Variants in ABCA6 observed in about 807,000 individuals in gnomAD.
ABCA6 encodes the protein ATP-binding cassette sub-family A member 6.
Under a neutral mutation model 191.2 loss-of-function variants are expected in ABCA6, and 164 were observed. The observed-to-expected ratio is 0.86, with a 90% CI of 0.76 to 0.98. The LOEUF is 0.98. Ranked by LOEUF, ABCA6 falls within the 50% of genes least tolerant of loss-of-function variation. The pLI, the probability that ABCA6 is intolerant of heterozygous loss-of-function variation, is 0.00. For synonymous variants in ABCA6, 636 were observed against 647.7 expected, an observed-to-expected ratio of 0.98 and a Z score of 0.27; for missense variants, 1,958 against 1,894.1, an observed-to-expected ratio of 1.03 and a Z score of -0.63.
At position 69,136,146 on chromosome 17, in the gene ABCA6, T is replaced by C; in HGVS notation, c.406A>G (p.Lys136Glu). The stretch of plus-strand genomic sequence containing the variant: ...TTATATCCCTGGAAAAATATTAACT[T>C]ATAAGAGAAAGTTTCATTAAAGATG... ...GIIFNETFSYKLIFFQGYNSP... is the reference protein window; with the variant it reads ...GIIFNETFSYELIFFQGYNSP... Residue 136 changes from lysine (K) to glutamate (E), a missense_variant, in exon 4 of 39, where the codon AAG becomes GAG. Coordinates refer to ENST00000284425, the MANE Select transcript of ABCA6 (RefSeq NM_080284.3). 1 of 1,608,720 alleles carries C rather than the reference T, an allele frequency of 6.2e-7. No individual in the cohort carries two copies. The highest frequency in any genetic ancestry group is 1.1e-5 in the South Asian group (1 of 90,252).
At chr17:69,139,400 C>T (rs1454716854) in intron 2 of ABCA6, among the ~76,000 whole-genome samples, 1 of 152,116 alleles carries the variant, frequency 6.6e-6, no homozygotes. Flanking sequence ...CAATGAGATA[C>T]CATCTCACAC....
chr17:69,088,072 G>T, intron 28 of ABCA6, 95 bp downstream of exon 28: 3 of 1,090,904 alleles, frequency 2.8e-6, no homozygotes, highest in Non-Finnish European at 3.8e-6. Context: ...TGCTTCCACT[G>T]TAAATGTAAA....
rs537388821 is a variant in ABCA6, at chr17:69,087,664, G to A, written c.3699-191C>T. On this transcript the variant is annotated intron_variant, in intron 28 of 38. Transcript: ENST00000284425. ...CACTAGCCAGAATCCTTTTCTTAATGTTGTTGCCATTCTTCTGGTAAGAAT... is the reference window on the plus strand; with the variant it reads ...CACTAGCCAGAATCCTTTTCTTAATATTGTTGCCATTCTTCTGGTAAGAAT... 33 of 649,008 alleles carry A rather than the reference G, an allele frequency of 5.1e-5. No homozygotes were observed. The African/African-American group carries it at 5.3e-4, about 10-fold the overall frequency. The allele number at this position is 649,008 out of a possible 1,614,324, so 40.2% of individuals were successfully genotyped here.
chr17:69,088,561 C>G (rs1157398274), intron 27 of ABCA6, among the ~76,000 whole-genome samples: 1 of 152,198 alleles, frequency 6.6e-6, no homozygotes, highest in African/African-American at 2.4e-5. Flanking sequence ...ATTATAATGT[C>G]TCACCTGGAT....
intron 20 of ABCA6, chr17:69,104,815 A>C (rs372689607): frequency 7.3e-6 from 1 of 137,200 alleles, no homozygotes; most frequent in East Asian, 2.0e-4. Flanking sequence ...CTAAAAATAC[A>C]AAAAAAAAAA....
chr17:69,129,501 C>A, intron 7 of ABCA6, 109 bp downstream of exon 7: 2 of 930,696 alleles, frequency 2.1e-6, no homozygotes, highest in Non-Finnish European at 3.2e-6. Flanking sequence ...CATGCACACA[C>A]ACAATGGACA....
At chr17:69,101,033 G>A (rs764095816) in intron 21 of ABCA6, 99 bp from the exon 22 acceptor site, 2 of 1,010,658 alleles carry the variant, frequency 2.0e-6, no homozygotes, top group Non-Finnish European at 2.9e-6. Flanking sequence ...CATGCTTGTT[G>A]TGTGTCCATC....
rs1568022157 is a variant in ABCA6, at chr17:69,114,942, G to A, written c.1607-5C>T. The A allele has an allele frequency of 3.8e-6, 6 of 1,581,586 alleles. No individual in the cohort carries two copies. The highest frequency in any genetic ancestry group is 1.8e-5 in the Admixed American group (1 of 54,454). Reference sequence around the variant, plus strand: ...TATTATAGATGGTAACTGATCCTAAGAATAGAAGTTAAAAATAAAATTGGC... The same window carrying A: ...TATTATAGATGGTAACTGATCCTAAAAATAGAAGTTAAAAATAAAATTGGC... On this transcript the variant is annotated splice_region_variant and splice_polypyrimidine_tract_variant and intron_variant, in intron 12 of 38. Transcript: ENST00000284425.
Position 69,096,344 on chromosome 17 carries a change from T to C in ABCA6, c.3304A>G (p.Thr1102Ala), listed in dbSNP as rs552412891. ...ACAAGAGAAGCTGCATAACCAGGAG[T>C]AACTATAACCTGAGCATAAAAGAAA... is the stretch of plus-strand genomic sequence containing the variant. ...SQIVFALVIV[T>A]PGYAASLVFF... The change falls in exon 25 of 39, where the codon ACT becomes GCT. Residue 1102 changes from threonine (T) to alanine (A), a missense_variant. By Grantham distance (58) the Thr-to-Ala change is moderately conservative. Transcript: ENST00000284425. 2.7e-6 allele frequency: 4 copies of C among 1,462,470 alleles called. No individual in the cohort carries two copies. The South Asian group carries it at 4.2e-5, about 15-fold the overall frequency. 90.6% of individuals were successfully genotyped at this position (1,462,470 alleles called of 1,614,324 possible).
chr17:69,125,639 G>A (rs1246908795), intron 8 of ABCA6, among the ~76,000 whole-genome samples: 2 of 152,044 alleles, frequency 1.3e-5, no homozygotes, highest in African/African-American at 2.4e-5. Context: ...CAAAAGTGGC[G>A]AAGTGAAATT....
Position 69,140,732 on chromosome 17 carries a change from T to C in ABCA6, c.-29A>G. 6.8e-7 allele frequency: 1 copy of C among 1,465,770 alleles called. No homozygotes were observed. Among genetic ancestry groups the C allele is most frequent in the Admixed American group, 2.1e-5 (1 of 47,604 alleles). The allele number at this position is 1,465,770 out of a possible 1,614,324, so 90.8% of individuals were successfully genotyped here. A position where few individuals can be genotyped will look rare whatever the true frequency, so the allele number is the denominator to read the frequency against. On this transcript the variant is annotated 5_prime_UTR_variant, in exon 2 of 39. Transcript: ENST00000284425. ...GCCTATTCGCTGAAGGAGAAAGTAA[T>C]CATGGTGGAACACAACCTAGAAAAA...
In ABCA6 at chr17:69,100,912, C is replaced by T; in HGVS notation, c.2897G>A (p.Cys966Tyr). The stretch of plus-strand genomic sequence containing the variant: ...AAAACAGTGCAATCTCTTGGTATTA[C>T]ACACAACTGAAAATCTATAATCCTT... ...KQKDYRFSVV[C>Y]NTKRLHCFPI... The change falls in exon 22 of 39, where the codon TGT becomes TAT. Residue 966 changes from cysteine (C) to tyrosine (Y), a missense_variant. Transcript: ENST00000284425. 1 of 1,596,126 alleles carries T rather than the reference C, an allele frequency of 6.3e-7. No individual in the cohort carries two copies. The highest frequency in any genetic ancestry group is 8.6e-7 in the Non-Finnish European group (1 of 1,169,274).
Position 69,112,238 on chromosome 17 carries a change from A to G in ABCA6, c.2077T>C (p.Cys693Arg). Residue 693 changes from cysteine (C) to arginine (R), a missense_variant, in exon 16 of 39, where the codon TGT (cysteine) becomes CGT (arginine). Coordinates refer to ENST00000284425, the MANE Select transcript of ABCA6 (RefSeq NM_080284.3). ...KVIMSNGRLK[C>R]AGSSMFLKRR... The stretch of plus-strand genomic sequence containing the variant: ...TTCAAAAACATAGAAGAACCTGCAC[A>G]CTTCAGTCTCCCATTGGACATGATC... The G allele has an allele frequency of 6.2e-7, 1 of 1,612,674 alleles. No homozygotes were observed. The highest frequency in any genetic ancestry group is 8.5e-7 in the Non-Finnish European group (1 of 1,179,116).
chr17:69,098,666 T>C (rs1598456059), intron 22 of ABCA6: 1 of 143,424 alleles, frequency 7.0e-6, no homozygotes, highest in Admixed American at 7.0e-5. Flanking sequence ...TCCTGTCACA[T>C]GCTACAACAT....
intron 18 of ABCA6, among the ~76,000 whole-genome samples, chr17:69,106,522 G>C (rs571515582): frequency 3.8e-4 from 57 of 151,476 alleles, no homozygotes; most frequent in African/African-American, 1.3e-3. Context: ...GAACCTGGGA[G>C]GGGGAGGTTG....
At position 69,096,733 on chromosome 17, in the gene ABCA6, T is replaced by A; in HGVS notation, c.3189A>T (p.Leu1063=). Residue 1063 remains leucine, a synonymous_variant, in exon 24 of 39, where the codon CTA becomes CTT. Transcript: ENST00000284425. ...YTSAYWCGQA[L]VDVSFFILIL... ...TTAAAATGAAGAAGCTGACGTCCACTAGTGCCTGCCCACACCAGTAAGCAG... is the reference window on the plus strand; with the variant it reads ...TTAAAATGAAGAAGCTGACGTCCACAAGTGCCTGCCCACACCAGTAAGCAG... The A allele has an allele frequency of 6.3e-7, 1 of 1,592,052 alleles. No homozygotes were observed. Among genetic ancestry groups the A allele is most frequent in the Non-Finnish European group, 8.5e-7 (1 of 1,171,326 alleles).
Position 69,105,974 on chromosome 17 carries a change from T to G in ABCA6, c.2573+54A>C, listed in dbSNP as rs2073292718. 3 of 1,512,394 alleles carry G rather than the reference T, an allele frequency of 2.0e-6. No homozygotes were observed. The South Asian group carries it at 4.0e-5, about 20-fold the overall frequency. The allele number at this position is 1,512,394 out of a possible 1,614,324, so 93.7% of individuals were successfully genotyped here. ...TCTAGTTTTAAATTATCTTCTGGTTTGAACCTCTTTTGAAATTCATGATCT... is the reference window on the plus strand; with the variant it reads ...TCTAGTTTTAAATTATCTTCTGGTTGGAACCTCTTTTGAAATTCATGATCT... On this transcript the variant is annotated intron_variant, in intron 19 of 38. Transcript: ENST00000284425.
intron 4 of ABCA6, chr17:69,135,691 T>C (rs2073936131): frequency 3.4e-6 from 1 of 293,066 alleles, no homozygotes; most frequent in Non-Finnish European, 6.2e-6. Flanking sequence ...CCTTTAAACA[T>C]CATTTCCCCA....
chr17:69,090,482 T>C (rs903240837), intron 26 of ABCA6, among the ~76,000 whole-genome samples: 4 of 152,236 alleles, frequency 2.6e-5, no homozygotes, highest in African/African-American at 9.6e-5. Flanking sequence ...TATTTAAATA[T>C]AACGTCCCCA....
Sources: gnomAD v4.1 joint callset for allele counts (sites outside exome capture counted in the v4.1 genomes callset) on GRCh38, gnomAD v4.1.1 for gene constraint, MANE v1.5 for transcripts, NCBI Gene and HGNC (gene_info 2026-07-23, HGNC 2026-07-21) for gene names.